The following NRXN3 variants were observed in gnomAD, a reference collection of about 807,000 sequenced individuals.
NRXN3 encodes the protein neurexin III.
A neutral mutation model predicts 137.6 loss-of-function variants in NRXN3; 32 were observed. The observed-to-expected ratio is 0.23, with a 90% CI of 0.18 to 0.31. The LOEUF (loss-of-function observed/expected upper bound fraction) is 0.31, where lower values mean the gene tolerates loss of function less well. NRXN3 is among the 10% of genes least tolerant of loss of function. The pLI is 1.00. For missense variants in NRXN3, 1,574 were observed against 2,062.5 expected, an observed-to-expected ratio of 0.76 and a Z score of 4.59; for synonymous variants, 798 against 784.5, an observed-to-expected ratio of 1.02 and a Z score of -0.29.
At chr14:78,663,208 G>A (rs2097854879) in intron 6 of NRXN3, among the ~76,000 whole-genome samples, 3 of 152,136 alleles carry the variant, frequency 2.0e-5, no homozygotes, top group Admixed American at 1.3e-4. Context: ...AGTTAGTGAC[G>A]AAGAAAAGGA....
At chr14:78,248,655 T>C (rs1184932162) in intron 2 of NRXN3, among the ~76,000 whole-genome samples, 2 of 152,114 alleles carry the variant, frequency 1.3e-5, no homozygotes, top group Non-Finnish European at 2.9e-5. Context: ...ACAGTGCACA[T>C]GCTGCTTGAA....
At chr14:79,433,884 G>T (rs528642859) in intron 15 of NRXN3, among the ~76,000 whole-genome samples, 1 of 152,274 alleles carries the variant, frequency 6.6e-6, no homozygotes, top group African/African-American at 2.4e-5. Flanking sequence ...CTTTTGCAGA[G>T]AAAACATAGA....
In NRXN3 at chr14:78,977,447, C is replaced by A. The variant is rs1598140052; in HGVS notation, c.3142+9101C>A. On this transcript the variant is annotated intron_variant, in intron 14 of 20. Coordinates refer to ENST00000335750, the MANE Select transcript of NRXN3 (RefSeq NM_001330195.2). ...ATTCCACTGCCCCAGCAGACCCCTA[C>A]ATCAGTGCCTAGAAAACAAGGAAAA... Among the ~76,000 whole-genome samples the A allele has an allele frequency of 2.0e-5, 3 of 152,156 alleles. No individual in the cohort carries two copies. The East Asian group carries it at 5.8e-4, about 29-fold the overall frequency.
At chr14:79,824,142 G>GAA (rs1451252528) in intron 20 of NRXN3, among the ~76,000 whole-genome samples, 1 of 152,168 alleles carries the variant, frequency 6.6e-6, no homozygotes, top group Non-Finnish European at 1.5e-5. Context: ...CTGGTTAGAT[G>GAA]AAAAGATGCA....
At chr14:79,073,069 TACAG>T (rs939547658) in intron 15 of NRXN3, among the ~76,000 whole-genome samples, 1 of 152,100 alleles carries the variant, frequency 6.6e-6, no homozygotes, top group East Asian at 1.9e-4. Context: ...GTATTTTTAG[TACAG>T]ACAGTGTTTC....
intron 4 of NRXN3, among the ~76,000 whole-genome samples, chr14:78,494,531 A>G (rs67154824): frequency 0.35 from 52,891 of 150,946 alleles, 9,857 homozygotes; most frequent in Admixed American, 0.42. Context: ...TCTCGCTGTA[A>G]CCTAAAGTAA....
chr14:78,397,190 A>G (rs1261161596), intron 4 of NRXN3, among the ~76,000 whole-genome samples: 1 of 152,150 alleles, frequency 6.6e-6, no homozygotes, highest in African/African-American at 2.4e-5. Flanking sequence ...TTCTTGAGTC[A>G]TTTAGTTTGA....
At chr14:78,568,961 G>GTTTTTTTTTTTTTTTTT (rs34485878) in intron 4 of NRXN3, among the ~76,000 whole-genome samples, 21 of 103,746 alleles carry the variant, frequency 2.0e-4, no homozygotes, top group African/African-American at 6.5e-4. Flanking sequence ...GACTTTGCAG[G>GTTTTTTTTTTTTTTTTT]TTTTTTTTTT....
At chr14:78,232,449 T>G (rs2065561337) in intron 1 of NRXN3, among the ~76,000 whole-genome samples, 1 of 151,862 alleles carries the variant, frequency 6.6e-6, no homozygotes, top group South Asian at 2.1e-4. Flanking sequence ...GTGTTTGATT[T>G]TTTTCCCCCT....
intron 19 of NRXN3, among the ~76,000 whole-genome samples, chr14:79,721,391 T>C (rs1336826735): frequency 6.6e-6 from 1 of 152,080 alleles, no homozygotes; most frequent in African/African-American, 2.4e-5. Flanking sequence ...AGAGGTACAA[T>C]GTTATTTTCA....
chr14:78,883,590 C>T (rs997755380), intron 10 of NRXN3, among the ~76,000 whole-genome samples: 4 of 152,256 alleles, frequency 2.6e-5, no homozygotes, highest in South Asian at 2.1e-4. Flanking sequence ...GGAATAATTT[C>T]CTCTTATGTT....
chr14:78,358,366 C>A (rs1421887542), intron 4 of NRXN3, among the ~76,000 whole-genome samples: 1 of 152,146 alleles, frequency 6.6e-6, no homozygotes, highest in Non-Finnish European at 1.5e-5. Flanking sequence ...AGAGTGGTTA[C>A]ACAGCAACAA....
At chr14:78,442,942 T>C (rs987651530) in intron 4 of NRXN3, among the ~76,000 whole-genome samples, 6 of 152,186 alleles carry the variant, frequency 3.9e-5, no homozygotes, top group Non-Finnish European at 7.4e-5. Context: ...ATGGTAAACC[T>C]GAGAGGTGGT....
At chr14:79,279,475 G>A (rs929394001) in intron 15 of NRXN3, 3 of 986,020 alleles carry the variant, frequency 3.0e-6, no homozygotes, top group African/African-American at 3.5e-5. Context: ...CTCCTCTTGC[G>A]CTCTCGCTGA....
At chr14:79,853,220 G>T (rs1000647197) in intron 20 of NRXN3, among the ~76,000 whole-genome samples, 9 of 152,194 alleles carry the variant, frequency 5.9e-5, no homozygotes, top group African/African-American at 2.2e-4. Flanking sequence ...CCCCACTCTA[G>T]ATGGGGCTGT....
chr14:79,192,617 C>T (rs2064524582), intron 15 of NRXN3, among the ~76,000 whole-genome samples: 1 of 152,028 alleles, frequency 6.6e-6, no homozygotes. Context: ...TCAGAATTAC[C>T]ATGTAGATAT....
chr14:78,603,433 C>T (rs1288673376), intron 4 of NRXN3, among the ~76,000 whole-genome samples: 1 of 152,164 alleles, frequency 6.6e-6, no homozygotes, highest in African/African-American at 2.4e-5. Flanking sequence ...TTCCCTTTGA[C>T]CGTGCCACTT....
chr14:79,217,119 A>T (rs1273039809), intron 15 of NRXN3, among the ~76,000 whole-genome samples: 2 of 148,990 alleles, frequency 1.3e-5, no homozygotes, highest in Non-Finnish European at 3.0e-5. Flanking sequence ...TCTGGGTGAC[A>T]GAGCAAGACT....
intron 2 of NRXN3, among the ~76,000 whole-genome samples, chr14:78,274,423 A>G (rs1383802346): frequency 6.6e-6 from 1 of 152,190 alleles, no homozygotes; most frequent in Admixed American, 6.5e-5. Flanking sequence ...GTGAGAACTT[A>G]TTCACTACCA....
Sources: gnomAD v4.1 joint callset for allele counts (sites outside exome capture counted in the v4.1 genomes callset) on GRCh38, gnomAD v4.1.1 for gene constraint, MANE v1.5 for transcripts, NCBI Gene and HGNC (gene_info 2026-07-23, HGNC 2026-07-21) for gene names.